The following ME1 variants were observed in gnomAD, a reference collection of about 807,000 sequenced individuals.
ME1 encodes NADP-dependent malic enzyme.
Under a neutral mutation model 66.4 loss-of-function variants are expected in ME1, and 74 were observed. That is an observed-to-expected ratio of 1.11 (90% CI 0.92 to 1.35). ME1 has a LOEUF of 1.35. ME1 is among the 40% of genes most tolerant of loss of function. ME1 has a pLI of 0.00. For synonymous variants in ME1, 251 were observed against 235.6 expected (o/e 1.07, Z -0.60); for missense variants, 750 against 694.1 (o/e 1.08, Z -0.90).
chr6:83,408,036 C>T, intron 1 of ME1, 135 bp from the exon 2 acceptor site: 2 of 981,270 alleles, frequency 2.0e-6, no homozygotes, highest in Non-Finnish European at 2.8e-6. Flanking sequence ...GGCCATGTGG[C>T]TGTGAGTAAA....
chr6:83,365,189 T>C (rs1281729780), intron 3 of ME1, among the ~76,000 whole-genome samples: 2 of 152,060 alleles, frequency 1.3e-5, no homozygotes, highest in South Asian at 4.1e-4. Flanking sequence ...ACCTCCCGGG[T>C]TCAACCAATT....
intron 4 of ME1, among the ~76,000 whole-genome samples, chr6:83,349,008 A>C (rs1306315468): frequency 4.1e-5 from 6 of 147,498 alleles, no homozygotes; most frequent in African/African-American, 1.5e-4. Flanking sequence ...AAAACAAAAA[A>C]CAAAAAACAG....
intron 3 of ME1, among the ~76,000 whole-genome samples, chr6:83,376,538 C>T (rs1394397819): frequency 6.6e-6 from 1 of 150,640 alleles, no homozygotes; most frequent in Non-Finnish European, 1.5e-5. Context: ...CAGTAGCTCA[C>T]ACCTGTAATC....
At chr6:83,285,885 A>T (rs930032189) in intron 6 of ME1, among the ~76,000 whole-genome samples, 1 of 152,212 alleles carries the variant, frequency 6.6e-6, no homozygotes, top group Non-Finnish European at 1.5e-5. Flanking sequence ...TTTCAACTGA[A>T]TAACCGAGTT....
intron 6 of ME1, among the ~76,000 whole-genome samples, chr6:83,297,308 GAC>G (rs1425918331): frequency 6.6e-6 from 1 of 152,116 alleles, no homozygotes; most frequent in African/African-American, 2.4e-5. Context: ...GGAAATCAGA[GAC>G]AACACAAACA....
chr6:83,320,397 T>A (rs1045655062), intron 5 of ME1, among the ~76,000 whole-genome samples: 1 of 152,228 alleles, frequency 6.6e-6, no homozygotes, highest in African/African-American at 2.4e-5. Flanking sequence ...GGCCAATATA[T>A]CTTACTTATA....
chr6:83,301,323 T>C (rs1383316928), intron 6 of ME1, among the ~76,000 whole-genome samples: 4 of 136,662 alleles, frequency 2.9e-5, no homozygotes, highest in African/African-American at 1.2e-4. Context: ...TTTCTCTCTC[T>C]CTCTCTCTCT....
intron 6 of ME1, among the ~76,000 whole-genome samples, chr6:83,304,898 C>T (rs555177647): frequency 1.3e-5 from 2 of 152,260 alleles, no homozygotes; most frequent in African/African-American, 4.8e-5. Flanking sequence ...TTACTACCAA[C>T]TTGCATTAAA....
At chr6:83,374,370 CAT>C (rs758981391) in intron 3 of ME1, among the ~76,000 whole-genome samples, 1 of 152,178 alleles carries the variant, frequency 6.6e-6, no homozygotes, top group African/African-American at 2.4e-5. Flanking sequence ...GAGCTTTTTT[CAT>C]ATGTTTGTTG....
At chr6:83,328,536 TAATC>T (rs1413204276) in intron 5 of ME1, among the ~76,000 whole-genome samples, 1 of 152,230 alleles carries the variant, frequency 6.6e-6, no homozygotes, top group Non-Finnish European at 1.5e-5. Flanking sequence ...TTAATTAAGA[TAATC>T]AAGGCTTGAA....
chr6:83,258,907 A>ATACTG (rs1172212170), intron 6 of ME1, among the ~76,000 whole-genome samples: 3 of 152,240 alleles, frequency 2.0e-5, no homozygotes, highest in Admixed American at 6.5e-5. Context: ...ACATCTGAAA[A>ATACTG]TACTGCACTG....
chr6:83,281,111 T>C (rs546574574), intron 6 of ME1, among the ~76,000 whole-genome samples: 1 of 152,330 alleles, frequency 6.6e-6, no homozygotes, highest in African/African-American at 2.4e-5. Flanking sequence ...GTGTTTAGAA[T>C]AGCTATACAA....
intron 9 of ME1, among the ~76,000 whole-genome samples, chr6:83,233,393 G>A (rs1790338881): frequency 6.6e-6 from 1 of 152,060 alleles, no homozygotes; most frequent in African/African-American, 2.4e-5. Context: ...CCATAACCAA[G>A]TAATTGACTT....
intron 2 of ME1, among the ~76,000 whole-genome samples, chr6:83,399,157 G>A (rs996200694): frequency 2.6e-5 from 4 of 151,148 alleles, no homozygotes; most frequent in African/African-American, 9.7e-5. Flanking sequence ...AACAAGCCCG[G>A]CTAATTTTTT....
chr6:83,213,368 G>C (rs1789932302), intron 13 of ME1, among the ~76,000 whole-genome samples: 1 of 149,328 alleles, frequency 6.7e-6, no homozygotes. Flanking sequence ...AGGTTGCAGT[G>C]AGCCGAGATC....
chr6:83,344,740 G>A (rs570708010), intron 5 of ME1, among the ~76,000 whole-genome samples: 23 of 151,918 alleles, frequency 1.5e-4, no homozygotes, highest in African/African-American at 5.1e-4. Context: ...AAAATTCACC[G>A]AACATGGTGG....
chr6:83,232,861 C>T lies in ME1; in HGVS notation c.1027-3930G>A, dbSNP rs570885374. Among the ~76,000 whole-genome samples, 7 of 152,216 alleles carry T rather than the reference C, an allele frequency of 4.6e-5. 1 individual carries two copies. In the East Asian group the frequency reaches 9.6e-4, roughly 21 times the overall value. ...TACCTTTATTGACCATCTCTTTCTA[C>T]AGGAGCTAAACATTTAACTATAAGT... is the stretch of plus-strand genomic sequence containing the variant. On this transcript the variant is annotated intron_variant, in intron 9 of 13. Coordinates refer to ENST00000369705, the MANE Select transcript of ME1 (RefSeq NM_002395.6).
At chr6:83,361,426 A>C (rs1769005187) in intron 3 of ME1, among the ~76,000 whole-genome samples, 1 of 152,246 alleles carries the variant, frequency 6.6e-6, no homozygotes, top group Admixed American at 6.5e-5. Flanking sequence ...GTGACCTGAA[A>C]GACTGCCAGT....
chr6:83,264,973 C>T (rs1766963166), intron 6 of ME1, among the ~76,000 whole-genome samples: 1 of 152,150 alleles, frequency 6.6e-6, no homozygotes, highest in Admixed American at 6.6e-5. Context: ...ATAATGCTGT[C>T]AAATAGCATT....
Sources: allele counts gnomAD v4.1 joint callset (sites outside exome capture counted in the v4.1 genomes callset), GRCh38; gene constraint gnomAD v4.1.1; transcripts MANE v1.5; gene names NCBI Gene and HGNC (gene_info 2026-07-23, HGNC 2026-07-21).